The following CACNA1D variants were observed in gnomAD, a reference collection of about 807,000 sequenced individuals.
CACNA1D encodes the protein calcium voltage-gated channel subunit alpha1 D.
CACNA1D carries 55 observed loss-of-function variants against 257.1 expected under a neutral mutation model. The ratio of observed to expected loss-of-function variants is 0.21; its 90% CI spans 0.17 to 0.27. CACNA1D has a LOEUF of 0.27. Among genes scored for constraint, CACNA1D ranks in the 10% least tolerant of loss-of-function variants. CACNA1D has a pLI of 1.00. For missense variants in CACNA1D, 1,876 were observed against 2,784.0 expected (o/e 0.67, Z 7.34); for synonymous variants, 980 against 1,014.9 (o/e 0.97, Z 0.65).
In CACNA1D at chr3:53,616,035, C is replaced by T. The variant is rs1004383698; in HGVS notation, c.484-34744C>T. Among the ~76,000 whole-genome samples the T allele has an allele frequency of 4.6e-5, 7 of 152,272 alleles. No individual in the cohort carries two copies. The South Asian group carries it at 6.2e-4, about 14-fold the overall frequency. ...CTCTCTGTGGACCTTTGAGTCTCCA[C>T]GGAAGAGTGGGAGGTTTAGACTTGA... On this transcript the variant is annotated intron_variant, in intron 3 of 47. Transcript: ENST00000350061.
rs1232852494 is a variant in CACNA1D, at chr3:53,789,342, A to C, written c.4923+2390A>C. Among the ~76,000 whole-genome samples the C allele has an allele frequency of 2.0e-5, 3 of 152,212 alleles. No individual in the cohort carries two copies. The highest frequency in any genetic ancestry group is 7.2e-5 in the African/African-American group (3 of 41,448). On this transcript the variant is annotated intron_variant, in intron 40 of 47. Transcript: ENST00000350061. The surrounding 1 kb of genome is among the most constrained non-coding windows in gnomAD (Gnocchi z 4.2). ...AAATGTACTTGATTCTGAAACATTA[A>C]ACATAGACATTTTTTTTGTCTCCTT...
chr3:53,533,138 C>A lies in CACNA1D; in HGVS notation c.483+31418C>A, dbSNP rs114653584. On this transcript the variant is annotated intron_variant, in intron 3 of 47. Transcript: ENST00000350061. The stretch of plus-strand genomic sequence containing the variant: ...ATATCTGTGTTTCCCATCATGTTTC[C>A]CCTTTTGTCTTGGCTTCAAAGAAGC... Among the ~76,000 whole-genome samples, 636 of 152,248 alleles carry A rather than the reference C, an allele frequency of 4.2e-3. 9 individuals are homozygous for A. Among genetic ancestry groups the A allele is most frequent in the African/African-American group, 0.013 (549 of 41,544 alleles).
Position 53,650,799 on chromosome 3 carries a change from C to T in CACNA1D, c.504C>T (p.Phe168=). 1 of 1,613,974 alleles carries T rather than the reference C, an allele frequency of 6.2e-7. No homozygotes were observed. Among genetic ancestry groups the T allele is most frequent in the South Asian group, 1.1e-5 (1 of 91,068 alleles). Residue 168 remains phenylalanine, a synonymous_variant, in exon 4 of 48, where the codon TTC becomes TTT. Coordinates refer to ENST00000350061, the MANE Select transcript of CACNA1D (RefSeq NM_001128840.3). ...NHNLEKVEYA[F]LIIFTVETFL... Reference sequence around the variant, plus strand: ...CACAGGAAAAAGTAGAATATGCCTTCCTGATTATTTTTACAGTCGAGACAT... The same window carrying T: ...CACAGGAAAAAGTAGAATATGCCTTTCTGATTATTTTTACAGTCGAGACAT...
intron 3 of CACNA1D, among the ~76,000 whole-genome samples, chr3:53,519,852 C>T (rs941148129): frequency 2.0e-5 from 3 of 152,162 alleles, no homozygotes; most frequent in Admixed American, 6.5e-5. Context: ...TGCTAATCTG[C>T]TTTCTGTCTG....
chr3:53,535,397 A>G (rs1008855870), intron 3 of CACNA1D, among the ~76,000 whole-genome samples: 1 of 152,226 alleles, frequency 6.6e-6, no homozygotes, highest in Non-Finnish European at 1.5e-5. Flanking sequence ...TTATTGGAAT[A>G]GATTACATGG....
intron 29 of CACNA1D, among the ~76,000 whole-genome samples, chr3:53,756,263 T>G (rs895382213): frequency 6.6e-6 from 1 of 152,146 alleles, no homozygotes; most frequent in East Asian, 1.9e-4. Context: ...GGGAGCTTGA[T>G]GGAGAAACTG....
chr3:53,532,325 C>A (rs1460602708), intron 3 of CACNA1D, among the ~76,000 whole-genome samples: 2 of 152,154 alleles, frequency 1.3e-5, no homozygotes, highest in Non-Finnish European at 2.9e-5. Context: ...GGAGGTGAGA[C>A]TTTAACCACA....
intron 3 of CACNA1D, among the ~76,000 whole-genome samples, chr3:53,622,912 C>T (rs1439983084): frequency 6.8e-6 from 1 of 147,666 alleles, no homozygotes; most frequent in African/African-American, 2.5e-5. Flanking sequence ...TTTTTTGAGA[C>T]GGAGTCTTGC....
At chr3:53,572,473 C>T (rs1232241437) in intron 3 of CACNA1D, among the ~76,000 whole-genome samples, 9 of 152,140 alleles carry the variant, frequency 5.9e-5, no homozygotes, top group Middle Eastern at 3.4e-3. Flanking sequence ...GATCTTGGCT[C>T]ACTGCAGTCT....
chr3:53,745,922 A>G (rs2095164263), intron 25 of CACNA1D, 47 bp downstream of exon 25: 1 of 1,443,494 alleles, frequency 6.9e-7, no homozygotes, highest in African/African-American at 1.4e-5. Context: ...AGCAAATAGC[A>G]GACTTCAAGG....
In CACNA1D at chr3:53,804,894, C is replaced by T. The variant is rs979211218; in HGVS notation, c.5586-89C>T. On this transcript the variant is annotated intron_variant, in intron 44 of 47. Coordinates refer to ENST00000350061, the MANE Select transcript of CACNA1D (RefSeq NM_001128840.3). ...ATCCTACTGTGTCCAAGGGAGGAGGCGGGGAGAGGAGTATGGATGTCAGTC... is the reference window on the plus strand; with the variant it reads ...ATCCTACTGTGTCCAAGGGAGGAGGTGGGGAGAGGAGTATGGATGTCAGTC... 2.7e-5 allele frequency: 33 copies of T among 1,209,438 alleles called. No homozygotes were observed. The East Asian group carries it at 2.8e-4, about 10-fold the overall frequency. 74.9% of individuals were successfully genotyped at this position (1,209,438 alleles called of 1,614,324 possible). A position where few individuals can be genotyped will look rare whatever the true frequency, so the allele number is the denominator to read the frequency against.
At chr3:53,544,796 G>C (rs953029774) in intron 3 of CACNA1D, among the ~76,000 whole-genome samples, 1 of 152,230 alleles carries the variant, frequency 6.6e-6, no homozygotes, top group African/African-American at 2.4e-5. Context: ...ATGTTCTACA[G>C]ACTTGGGTTT....
intron 3 of CACNA1D, among the ~76,000 whole-genome samples, chr3:53,601,394 T>A (rs1475723038): frequency 6.6e-6 from 1 of 152,236 alleles, no homozygotes. Context: ...CTCTTGGGGC[T>A]GTGCTCCCTG....
chr3:53,666,187 G>A lies in CACNA1D; in HGVS notation c.920-152G>A, dbSNP rs1382309180. The A allele has an allele frequency of 6.3e-6, 5 of 796,654 alleles. No homozygotes were observed. The East Asian group carries it at 1.2e-4, about 19-fold the overall frequency. 49.3% of individuals were successfully genotyped at this position (796,654 alleles called of 1,614,324 possible). ...AGATTCCGCTAAGGAGGGAGCATTT[G>A]AAGGGAACCTTGAAGGACAAGCAGG... On this transcript the variant is annotated intron_variant, in intron 6 of 47. Coordinates refer to ENST00000350061, the MANE Select transcript of CACNA1D (RefSeq NM_001128840.3).
intron 3 of CACNA1D, among the ~76,000 whole-genome samples, chr3:53,572,953 GTCC>G (rs1331835981): frequency 6.6e-6 from 1 of 152,144 alleles, no homozygotes; most frequent in African/African-American, 2.4e-5. Context: ...CTGCAACCCT[GTCC>G]ATCTTCCCTC....
intron 3 of CACNA1D, among the ~76,000 whole-genome samples, chr3:53,639,174 T>A (rs2093919639): frequency 6.6e-6 from 1 of 152,156 alleles, no homozygotes; most frequent in South Asian, 2.1e-4. Context: ...GACGGAGTCT[T>A]GCTCTGTTGT....
chr3:53,692,437 T>G (rs892526448), intron 8 of CACNA1D, among the ~76,000 whole-genome samples: 3 of 152,128 alleles, frequency 2.0e-5, no homozygotes, highest in African/African-American at 7.2e-5. Flanking sequence ...TTGGAGGAAC[T>G]GAGTGAACTT....
intron 22 of CACNA1D, among the ~76,000 whole-genome samples, chr3:53,743,868 C>CT (rs1271298294): frequency 6.6e-6 from 1 of 151,930 alleles, no homozygotes; most frequent in Admixed American, 6.5e-5. Context: ...ACCTGCCCTC[C>CT]TAGGAAGACC....
chr3:53,710,319 C>T (rs762086359), intron 9 of CACNA1D: 7 of 440,008 alleles, frequency 1.6e-5, no homozygotes, highest in African/African-American at 2.0e-5. Flanking sequence ...CAGGGCTGGC[C>T]GCGTGGGGCC....
Sources: allele counts gnomAD v4.1 joint callset (sites outside exome capture counted in the v4.1 genomes callset), GRCh38; gene constraint gnomAD v4.1.1; non-coding constraint Gnocchi (gnomAD v3.1); transcripts MANE v1.5; gene names NCBI Gene and HGNC (gene_info 2026-07-23, HGNC 2026-07-21).